Variants in PIEZO2 observed in about 807,000 individuals in gnomAD.
PIEZO2 encodes piezo type mechanosensitive ion channel component 2.
In PIEZO2, 172 loss-of-function variants were observed where a neutral mutation model predicts 337.3. That is an observed-to-expected ratio of 0.51 (90% CI 0.45 to 0.58). PIEZO2 has a LOEUF of 0.58. PIEZO2 is among the 20% of genes least tolerant of loss of function. PIEZO2 has a pLI of 0.00. For synonymous variants in PIEZO2, 1,251 were observed against 1,228.5 expected, an observed-to-expected ratio of 1.02 and a Z score of -0.38; for missense variants, 3,028 against 3,391.3, an observed-to-expected ratio of 0.89 and a Z score of 2.66.
chr18:11,138,724 T>C (rs1023912859), intron 1 of PIEZO2, among the ~76,000 whole-genome samples: 1 of 152,200 alleles, frequency 6.6e-6, no homozygotes, highest in Non-Finnish European at 1.5e-5. Context: ...CTCCTACAAC[T>C]GAATATTAAT....
Position 10,677,986 on chromosome 18 carries a change from G to A in PIEZO2, c.7953-111C>T. 9.8e-7 allele frequency: 1 copy of A among 1,017,742 alleles called. No individual in the cohort carries two copies. Among genetic ancestry groups the A allele is most frequent in the Non-Finnish European group, 1.4e-6 (1 of 724,418 alleles). The allele number at this position is 1,017,742 out of a possible 1,614,324, so 63.0% of individuals were successfully genotyped here. ...ATTAATGTCACCACGTTTTCATTGG[G>A]TCCACAACGGTCAATCCTGACCCTT... On this transcript the variant is annotated intron_variant, in intron 52 of 55. Coordinates refer to ENST00000674853, the MANE Select transcript of PIEZO2 (RefSeq NM_001378183.1). This position sits in a 1 kb window ranked among gnomAD's most constrained non-coding sequence, Gnocchi z 4.1.
At chr18:10,836,338 A>C (rs747071771) in intron 7 of PIEZO2, among the ~76,000 whole-genome samples, 2 of 152,130 alleles carry the variant, frequency 1.3e-5, no homozygotes, top group Non-Finnish European at 2.9e-5. Context: ...TCTATTTCAA[A>C]TCATGAATAT....
At chr18:10,841,009 C>T in intron 7 of PIEZO2, among the ~76,000 whole-genome samples, 1 of 152,324 alleles carries the variant, frequency 6.6e-6, no homozygotes, top group East Asian at 1.9e-4. Flanking sequence ...TGTTTGCCAG[C>T]ATCGTGATCT....
chr18:11,119,934 C>T (rs2039986712), intron 1 of PIEZO2, among the ~76,000 whole-genome samples: 1 of 152,208 alleles, frequency 6.6e-6, no homozygotes, highest in African/African-American at 2.4e-5. Flanking sequence ...TCATAAATTG[C>T]AATTGTTTTT....
At chr18:10,804,230 T>A (rs902388871) in intron 8 of PIEZO2, among the ~76,000 whole-genome samples, 1 of 152,250 alleles carries the variant, frequency 6.6e-6, no homozygotes, top group African/African-American at 2.4e-5. Context: ...CATTACAGAA[T>A]ATGCTCCATT....
At chr18:10,700,746 A>G (rs2035295996) in intron 43 of PIEZO2, among the ~76,000 whole-genome samples, 1 of 152,220 alleles carries the variant, frequency 6.6e-6, no homozygotes, top group Non-Finnish European at 1.5e-5. Flanking sequence ...ACATTTATTA[A>G]TATGTTCATA....
Position 10,834,093 on chromosome 18 carries a change from T to A in PIEZO2, c.917+21260A>T, listed in dbSNP as rs889542090. Among the ~76,000 whole-genome samples, 1 of 152,368 alleles carries A rather than the reference T, an allele frequency of 6.6e-6. No homozygotes were observed. The highest frequency in any genetic ancestry group is 1.9e-4 in the East Asian group (1 of 5,192). On this transcript the variant is annotated intron_variant, in intron 7 of 55. Coordinates refer to ENST00000674853, the MANE Select transcript of PIEZO2 (RefSeq NM_001378183.1). The surrounding 1 kb of genome is among the most constrained non-coding windows in gnomAD (Gnocchi z 4.5). The stretch of plus-strand genomic sequence containing the variant: ...GATACAGACATGCAATGTGTAACAA[T>A]CACATCAGGGTAAGTGGGGTGTCCA...
chr18:10,791,355 T>A (rs146609966), intron 13 of PIEZO2, 31 bp from the exon 14 acceptor site: 28 of 1,467,732 alleles, frequency 1.9e-5, no homozygotes, highest in Non-Finnish European at 2.5e-5. Context: ...AAACAAGAAT[T>A]AAGCAACCAT....
At chr18:10,814,112 C>A (rs561206319) in intron 7 of PIEZO2, among the ~76,000 whole-genome samples, 1 of 151,952 alleles carries the variant, frequency 6.6e-6, no homozygotes, top group African/African-American at 2.4e-5. Flanking sequence ...GGACTACAGG[C>A]GCCCACCACC....
chr18:10,726,527 C>T lies in PIEZO2; in HGVS notation c.5029+4880G>A, dbSNP rs929015184. ...GCAGCCGTTCCTGTGGCGCGCTGCG[C>T]TGCTCTGCTCTGCTACACCAGCCGC... is the stretch of plus-strand genomic sequence containing the variant. On this transcript the variant is annotated intron_variant, in intron 36 of 55. Transcript: ENST00000674853. This position sits in a 1 kb window ranked among gnomAD's most constrained non-coding sequence, Gnocchi z 5.9. 1.9e-5 allele frequency: 27 copies of T among 1,448,984 alleles called. No homozygotes were observed. Among genetic ancestry groups the T allele is most frequent in the Non-Finnish European group, 2.3e-5 (25 of 1,095,728 alleles). 89.8% of individuals were successfully genotyped at this position (1,448,984 alleles called of 1,614,324 possible).
rs77104020 is a variant in PIEZO2, at chr18:10,866,698, A to T, written c.492+4555T>A. Among the ~76,000 whole-genome samples the T allele has an allele frequency of 7.1e-3, 1,080 of 152,284 alleles. 12 individuals carry two copies. Among genetic ancestry groups the T allele is most frequent in the African/African-American group, 0.022 (913 of 41,556 alleles). On this transcript the variant is annotated intron_variant, in intron 5 of 55. Coordinates refer to ENST00000674853, the MANE Select transcript of PIEZO2 (RefSeq NM_001378183.1). ...GCATCCATGCTCTCACCTGGTGACCAGGGATGTGGCTGGAAGACTCTGGGG... is the reference window on the plus strand; with the variant it reads ...GCATCCATGCTCTCACCTGGTGACCTGGGATGTGGCTGGAAGACTCTGGGG...
At chr18:11,068,970 T>A (rs986267475) in intron 1 of PIEZO2, among the ~76,000 whole-genome samples, 1 of 151,846 alleles carries the variant, frequency 6.6e-6, no homozygotes, top group Non-Finnish European at 1.5e-5. Context: ...GATGGAATCA[T>A]GAAGAAATAA....
chr18:11,073,622 A>T (rs1783357746), intron 1 of PIEZO2, among the ~76,000 whole-genome samples: 1 of 152,144 alleles, frequency 6.6e-6, no homozygotes, highest in Non-Finnish European at 1.5e-5. Context: ...CACCTCCAAA[A>T]ATCCAGCTTC....
intron 52 of PIEZO2, among the ~76,000 whole-genome samples, chr18:10,679,405 A>C (rs1198965578): frequency 6.6e-6 from 1 of 152,226 alleles, no homozygotes; most frequent in African/African-American, 2.4e-5. Context: ...ATTATCTAGA[A>C]TAACCCAACT....
rs1239639958 is a variant in PIEZO2 at position 11,027,957 on chromosome 18, C to G, written c.160+38170G>C. On this transcript the variant is annotated intron_variant, in intron 2 of 55. Coordinates refer to ENST00000674853, the MANE Select transcript of PIEZO2 (RefSeq NM_001378183.1). The surrounding 1 kb of genome is among the most constrained non-coding windows in gnomAD (Gnocchi z 4.2). ...TACTCTTTGATAAATTCTTCAAACA[C>G]TGTTTCTGAGAATGATCTCACAGAA... Among the ~76,000 whole-genome samples, 5 of 152,222 alleles carry G rather than the reference C, an allele frequency of 3.3e-5. No individual in the cohort carries two copies. The highest frequency in any genetic ancestry group is 7.3e-5 in the Non-Finnish European group (5 of 68,054).
chr18:10,947,145 C>A (rs932282549), intron 3 of PIEZO2, among the ~76,000 whole-genome samples: 1 of 151,162 alleles, frequency 6.6e-6, no homozygotes, highest in Non-Finnish European at 1.5e-5. Context: ...ATATGATGAA[C>A]TTGAAGGGAA....
Position 10,670,538 on chromosome 18 carries a change from T to G in PIEZO2, c.*989A>C, listed in dbSNP as rs751748845. Reference sequence around the variant, plus strand: ...AAAACCCGTCTCAGATGTAAAAATGTGAATTGGAATATGTAAACTCTTTGA... The same window carrying G: ...AAAACCCGTCTCAGATGTAAAAATGGGAATTGGAATATGTAAACTCTTTGA... On this transcript the variant is annotated 3_prime_UTR_variant, in exon 56 of 56. Transcript: ENST00000674853. 6.6e-6 allele frequency: 1 copy of G among 152,154 alleles called. No individual in the cohort carries two copies. The highest frequency in any genetic ancestry group is 1.5e-5 in the Non-Finnish European group (1 of 68,036). The allele number at this position is 152,154 out of a possible 1,614,324, so 9.4% of individuals were successfully genotyped here.
At chr18:10,772,687 T>A (rs577468925) in intron 20 of PIEZO2, among the ~76,000 whole-genome samples, 1 of 152,206 alleles carries the variant, frequency 6.6e-6, no homozygotes. Flanking sequence ...ACCCCAGAGA[T>A]GATGCTCTCT....
In PIEZO2 at chr18:10,761,073, G is replaced by T; in HGVS notation, c.3288C>A (p.Val1096=). The change falls in exon 24 of 56, where the codon GTC becomes GTA. Residue 1096 remains valine, a synonymous_variant. Transcript: ENST00000674853. ...LLMLAILAFE[V]TIYRHQEYYR... ...AGTATTCCTGATGGCGGTAAATGGT[G>T]ACTTCAAAGGCCAGGATAGCCAGCA... 6.5e-7 allele frequency: 1 copy of T among 1,537,214 alleles called. No individual in the cohort carries two copies. Among genetic ancestry groups the T allele is most frequent in the South Asian group, 1.2e-5 (1 of 84,042 alleles).
Sources: gnomAD v4.1 joint callset for allele counts (sites outside exome capture counted in the v4.1 genomes callset) on GRCh38, gnomAD v4.1.1 for gene constraint, Gnocchi (gnomAD v3.1) non-coding constraint, MANE v1.5 for transcripts, NCBI Gene and HGNC (gene_info 2026-07-23, HGNC 2026-07-21) for gene names.